Variants in IPPK observed in about 807,000 individuals in gnomAD.
IPPK encodes IPK1 homolog.
A neutral mutation model predicts 64.6 loss-of-function variants in IPPK; 22 were observed. That is an observed-to-expected ratio of 0.34 (90% CI 0.24 to 0.49). The LOEUF (loss-of-function observed/expected upper bound fraction) is 0.49, where lower values mean the gene tolerates loss of function less well. Ranked by LOEUF, IPPK falls within the 20% of genes least tolerant of loss-of-function variation. The pLI is 0.99. For synonymous variants in IPPK, 262 were observed against 247.2 expected (o/e 1.06, Z -0.56); for missense variants, 532 against 630.7 (o/e 0.84, Z 1.68).
chr9:92,658,778 C>G (rs975186462), intron 1 of IPPK, 97 bp from the exon 2 acceptor site: 2 of 1,091,754 alleles, frequency 1.8e-6, no homozygotes, highest in Non-Finnish European at 2.8e-6. Flanking sequence ...GGACAAAGTC[C>G]ACAGTGAAGC....
rs761921021 is a variant in IPPK at position 92,615,942 on chromosome 9, C to T, written c.1366G>A (p.Gly456Ser). The T allele has an allele frequency of 1.2e-6, 2 of 1,614,064 alleles. No individual in the cohort carries two copies. Among genetic ancestry groups the T allele is most frequent in the South Asian group, 2.2e-5 (2 of 91,072 alleles). ...ESIPHQYKLD[G>S]KIVNYYSKTV... ...TTTGAATAATAGTTGACGATCTTGC[C>T]GTCCAGTTTATACTGATGGGGAATG... Residue 456 changes from glycine to serine, a missense_variant, in exon 13 of 13, where the codon GGC becomes AGC. Gly to Ser is a moderately conservative substitution (Grantham distance 56, BLOSUM62 0). Transcript: ENST00000287996.
intron 1 of IPPK, among the ~76,000 whole-genome samples, chr9:92,659,476 T>G (rs578067699): frequency 6.6e-6 from 1 of 152,266 alleles, no homozygotes; most frequent in Non-Finnish European, 1.5e-5. Context: ...TTACAATAAC[T>G]TCTTTTTAAT....
At position 92,635,320 on chromosome 9, in the gene IPPK, A is replaced by G. The variant is rs1851919878; in HGVS notation, c.917-12T>C. 6.2e-7 allele frequency: 1 copy of G among 1,605,414 alleles called. No individual in the cohort carries two copies. The highest frequency in any genetic ancestry group is 8.5e-7 in the Non-Finnish European group (1 of 1,176,456). The stretch of plus-strand genomic sequence containing the variant: ...TGGGGTGTTTTTTCCTACCGAGAAC[A>G]TCAGGGGAAAACGAGAGCATGTTGA... On this transcript the variant is annotated splice_polypyrimidine_tract_variant and intron_variant, in intron 9 of 12. Coordinates refer to ENST00000287996, the MANE Select transcript of IPPK (RefSeq NM_022755.6). The surrounding 1 kb of genome is among the most constrained non-coding windows in gnomAD (Gnocchi z 4.4).
Position 92,645,026 on chromosome 9 carries a change from A to C in IPPK, c.505-2216T>G, listed in dbSNP as rs567896412. 2.6e-5 allele frequency among the ~76,000 whole-genome samples: 4 copies of C among 152,360 alleles called. No homozygotes were observed. In the South Asian group the frequency reaches 8.3e-4, roughly 32 times the overall value. ...GGAAACTAGGGACAAAGAACTAAAA[A>C]GAACAAGGAGAATAATGTCTCAACA... On this transcript the variant is annotated intron_variant, in intron 6 of 12. Transcript: ENST00000287996.
chr9:92,616,262 G>C, intron 12 of IPPK: 1 of 526,100 alleles, frequency 1.9e-6, no homozygotes, highest in Non-Finnish European at 3.4e-6. Flanking sequence ...CTGTGCACCT[G>C]TGATCTGTGC....
chr9:92,648,116 A>T lies in IPPK; in HGVS notation c.447T>A (p.Asp149Glu), dbSNP rs1564036191. 1 of 1,613,736 alleles carries T rather than the reference A, an allele frequency of 6.2e-7. No homozygotes were observed. The stretch of plus-strand genomic sequence containing the variant: ...CCTTATGCTTCATCTCATGCGTGAC[A>T]TCACTCGAGAAAGGAATAAACCCAC... ...PKCGFIPFSS[D>E]VTHEMKHKVC... is the part of the protein sequence containing the mutation. Residue 149 changes from aspartate (D) to glutamate (E), a missense_variant, in exon 6 of 13, where the codon GAT (aspartate) becomes GAA (glutamate). Transcript: ENST00000287996.
In IPPK at chr9:92,634,389, C is replaced by T. The variant is rs112068349; in HGVS notation, c.1167G>A (p.Thr389=). The change falls in exon 11 of 13, where the codon ACG becomes ACA. Residue 389 remains threonine, a synonymous_variant. Coordinates refer to ENST00000287996, the MANE Select transcript of IPPK (RefSeq NM_022755.6). The part of the protein sequence containing the change: ...EDDGTVAFAL[T]KVQQYRVAMT... Reference sequence around the variant, plus strand: ...GTTTTTGGATGGGTCTGCCCACCTTCGTTAGCGCGAAGGCCACTGTCCCGT... The same window carrying T: ...GTTTTTGGATGGGTCTGCCCACCTTTGTTAGCGCGAAGGCCACTGTCCCGT... 129 of 1,612,438 alleles carry T rather than the reference C, an allele frequency of 8.0e-5. No homozygotes were observed. Among genetic ancestry groups the T allele is most frequent in the African/African-American group, 2.0e-4 (15 of 75,026 alleles).
At chr9:92,638,360 C>T (rs41266683) in intron 8 of IPPK, 80 bp from the exon 9 acceptor site, 457,170 of 1,503,712 alleles carry the variant, frequency 0.3, 77,343 homozygotes, top group East Asian at 0.73. Context: ...CCACCAGCAT[C>T]CCAGGCAGCG....
chr9:92,619,686 T>A, intron 11 of IPPK, 121 bp from the exon 12 acceptor site: 1 of 928,886 alleles, frequency 1.1e-6, no homozygotes, highest in Non-Finnish European at 1.7e-6. Context: ...GAGGGTGGGA[T>A]TAGGAGCGAG....
chr9:92,629,539 C>T (rs1851795319), intron 11 of IPPK, among the ~76,000 whole-genome samples: 1 of 151,904 alleles, frequency 6.6e-6, no homozygotes, highest in Non-Finnish European at 1.5e-5. Flanking sequence ...ATCACTTGAG[C>T]TCAGGAGTTC....
chr9:92,670,069 C>A lies in IPPK; in HGVS notation c.-81G>T. On this transcript the variant is annotated 5_prime_UTR_variant, in exon 1 of 13. Transcript: ENST00000287996. ...GCCGCCCGCCTCGCTGGGAACCAGCCGCTGCGGTCGGGGGAGGAGCGCCTG... is the reference window on the plus strand; with the variant it reads ...GCCGCCCGCCTCGCTGGGAACCAGCAGCTGCGGTCGGGGGAGGAGCGCCTG... 9.5e-7 allele frequency: 1 copy of A among 1,055,950 alleles called. No individual in the cohort carries two copies. The highest frequency in any genetic ancestry group is 2.2e-5 in the Admixed American group (1 of 44,526). 65.4% of individuals were successfully genotyped at this position (1,055,950 alleles called of 1,614,324 possible).
intron 3 of IPPK, 30 bp downstream of exon 3, chr9:92,656,426 A>G (rs779260073): frequency 6.9e-6 from 10 of 1,444,302 alleles, no homozygotes; most frequent in Middle Eastern, 1.7e-4. Context: ...AACATGCCCA[A>G]GAATTCAGAT....
At chr9:92,665,515 A>G (rs1431109224) in intron 1 of IPPK, among the ~76,000 whole-genome samples, 1 of 146,442 alleles carries the variant, frequency 6.8e-6, no homozygotes, top group Non-Finnish European at 1.5e-5. Flanking sequence ...AAGAGTATAA[A>G]CTTTTTAAAA....
chr9:92,648,518 G>T (rs1020544785), intron 5 of IPPK, among the ~76,000 whole-genome samples: 1 of 152,218 alleles, frequency 6.6e-6, no homozygotes. Flanking sequence ...TGTTCCCACT[G>T]ACACTAGCAC....
chr9:92,620,790 C>T (rs1244861757), intron 11 of IPPK, among the ~76,000 whole-genome samples: 1 of 152,124 alleles, frequency 6.6e-6, no homozygotes, highest in Non-Finnish European at 1.5e-5. Flanking sequence ...ATGAGCAGCT[C>T]CTATCCTTAC....
intron 1 of IPPK, among the ~76,000 whole-genome samples, chr9:92,665,554 T>G (rs566969093): frequency 6.6e-6 from 1 of 152,326 alleles, no homozygotes; most frequent in South Asian, 2.1e-4. Flanking sequence ...GTATCATACA[T>G]ATCCATTGTA....
chr9:92,617,380 G>A (rs562365191), intron 12 of IPPK: 3 of 152,420 alleles, frequency 2.0e-5, no homozygotes, highest in South Asian at 2.1e-4. Flanking sequence ...AGACAGGAAG[G>A]ATGTTCCAGG....
intron 11 of IPPK, among the ~76,000 whole-genome samples, chr9:92,632,524 A>C (rs1342628557): frequency 6.6e-6 from 1 of 152,278 alleles, no homozygotes; most frequent in Non-Finnish European, 1.5e-5. Flanking sequence ...AAAAATACAG[A>C]AATACATAAA....
At chr9:92,639,344 T>C (rs1431035061) in intron 8 of IPPK, among the ~76,000 whole-genome samples, 2 of 152,214 alleles carry the variant, frequency 1.3e-5, no homozygotes, top group Non-Finnish European at 2.9e-5. Flanking sequence ...CCACTGCACC[T>C]GGCCCACACC....
Sources: gnomAD v4.1 joint callset for allele counts (sites outside exome capture counted in the v4.1 genomes callset) on GRCh38, gnomAD v4.1.1 for gene constraint, Gnocchi (gnomAD v3.1) non-coding constraint, MANE v1.5 for transcripts, NCBI Gene and HGNC (gene_info 2026-07-23, HGNC 2026-07-21) for gene names.